The following CCSER2 variants were observed in gnomAD, a reference collection of about 807,000 sequenced individuals.
CCSER2 encodes the protein serine-rich coiled-coil domain-containing protein 2.
A neutral mutation model predicts 92.3 loss-of-function variants in CCSER2; 46 were observed. That is an observed-to-expected ratio of 0.50 (90% CI 0.39 to 0.64). The LOEUF is 0.64. CCSER2 is among the 30% of genes least tolerant of loss of function. The pLI is 0.00. For synonymous variants in CCSER2, 433 were observed against 431.4 expected, an observed-to-expected ratio of 1.00 and a Z score of -0.04; for missense variants, 1,244 against 1,238.9, an observed-to-expected ratio of 1.00 and a Z score of -0.06.
intron 3 of CCSER2, among the ~76,000 whole-genome samples, chr10:84,394,817 T>C (rs1056538919): frequency 2.6e-5 from 4 of 152,158 alleles, no homozygotes; most frequent in Non-Finnish European, 5.9e-5. Context: ...CAGAGTACTT[T>C]TTTTCTGAAC....
In CCSER2 at chr10:84,349,892, G is replaced by A. The variant is rs996532359; in HGVS notation, c.-40+21084G>A. Among the ~76,000 whole-genome samples the A allele has an allele frequency of 5.3e-5, 8 of 152,090 alleles. No individual in the cohort carries two copies. The South Asian group carries it at 1.2e-3, about 24-fold the overall frequency. ...AGATCGGCCAGGTGCAGTGGCTCAC[G>A]CCTGTAATCCCAGCACTTTGTGAGG... On this transcript the variant is annotated intron_variant, in intron 1 of 9. Transcript: ENST00000372088.
chr10:84,468,038 C>A (rs1039457168), intron 7 of CCSER2, among the ~76,000 whole-genome samples: 1 of 152,178 alleles, frequency 6.6e-6, no homozygotes, highest in Non-Finnish European at 1.5e-5. Context: ...TAAGGCCATG[C>A]GTGATAGTCA....
rs76133066 is a variant in CCSER2, at chr10:84,450,045, G to A, written c.2064+11338G>A. 8.8e-3 allele frequency among the ~76,000 whole-genome samples: 1,344 copies of A among 152,314 alleles called. 17 individuals are homozygous for A. Among genetic ancestry groups the A allele is most frequent in the African/African-American group, 0.031 (1,273 of 41,566 alleles). ...AATAATAGCAACAACATGTTTCATA[G>A]TAACATGAAAGTCAAGGGTTTTTAA... On this transcript the variant is annotated intron_variant, in intron 6 of 9. Transcript: ENST00000372088.
At chr10:84,429,018 CACTT>C (rs1843611663) in intron 5 of CCSER2, among the ~76,000 whole-genome samples, 1 of 126,820 alleles carries the variant, frequency 7.9e-6, no homozygotes, top group African/African-American at 3.3e-5. Context: ...TATATATACA[CACTT>C]AAGAAATACT....
chr10:84,329,063 C>T (rs1843412461), intron 1 of CCSER2, among the ~76,000 whole-genome samples: 1 of 151,992 alleles, frequency 6.6e-6, no homozygotes, highest in South Asian at 2.1e-4. Context: ...CCTCGGGCCG[C>T]GGGCGCCGCC....
At position 84,425,733 on chromosome 10, in the gene CCSER2, G is replaced by C. The variant is rs770707093; in HGVS notation, c.1708G>C (p.Glu570Gln). 3.7e-6 allele frequency: 6 copies of C among 1,608,226 alleles called. No homozygotes were observed. Among genetic ancestry groups the C allele is most frequent in the Non-Finnish European group, 4.2e-6 (5 of 1,176,602 alleles). The change falls in exon 5 of 10, where the codon GAG becomes CAG. Residue 570 changes from glutamate to glutamine, a missense_variant and splice_region_variant. Transcript: ENST00000372088. ...LPEDAPLENV[E>Q]CDNMNRFDRP... ...CTTTTGCTTTTGAATCTGTCTAGTG[G>C]AGTGTGACAATATGAACCGCTTTGA...
intron 1 of CCSER2, among the ~76,000 whole-genome samples, chr10:84,338,105 A>AC (rs1843942046): frequency 6.6e-6 from 1 of 151,948 alleles, no homozygotes; most frequent in Non-Finnish European, 1.5e-5. Flanking sequence ...ACATGGTGAA[A>AC]CCCCATCTCT....
At position 84,402,863 on chromosome 10, in the gene CCSER2, A is replaced by G. The variant is rs137981421; in HGVS notation, c.1615-14908A>G. Among the ~76,000 whole-genome samples, 2 of 152,228 alleles carry G rather than the reference A, an allele frequency of 1.3e-5. 1 individual carries two copies. Among genetic ancestry groups the G allele is most frequent in the African/African-American group, 4.8e-5 (2 of 41,462 alleles). On this transcript the variant is annotated intron_variant, in intron 3 of 9. Transcript: ENST00000372088. ...ACATTCTCTACGTGGAAGACTCAAC[A>G]TATTTAAGATGTCACTTCTTCCTAA...
intron 9 of CCSER2, among the ~76,000 whole-genome samples, chr10:84,489,652 C>G (rs896745578): frequency 6.6e-6 from 1 of 152,142 alleles, no homozygotes; most frequent in Non-Finnish European, 1.5e-5. Flanking sequence ...TGAGATCGGT[C>G]TCCTGAATAT....
chr10:84,335,042 G>C (rs1322148249), intron 1 of CCSER2, among the ~76,000 whole-genome samples: 1 of 152,056 alleles, frequency 6.6e-6, no homozygotes, highest in Non-Finnish European at 1.5e-5. Flanking sequence ...CTCCTACCCT[G>C]TATCTTGAGT....
chr10:84,440,938 T>C (rs1844495624), intron 6 of CCSER2, among the ~76,000 whole-genome samples: 1 of 152,196 alleles, frequency 6.6e-6, no homozygotes, highest in African/African-American at 2.4e-5. Flanking sequence ...GTTTTGCCTG[T>C]TTTTATCTCT....
At chr10:84,411,746 A>T (rs1177030417) in intron 3 of CCSER2, among the ~76,000 whole-genome samples, 2 of 152,190 alleles carry the variant, frequency 1.3e-5, no homozygotes. Flanking sequence ...GAATTATCTC[A>T]TCTGCAAACA....
chr10:84,370,262 G>A lies in CCSER2; in HGVS notation c.-39-752G>A, dbSNP rs138025642. ...TGATATGGATTCCTCTAATGCATGA[G>A]TGTGGGATGTATTTCCATTCGTTTG... On this transcript the variant is annotated intron_variant, in intron 1 of 9. Transcript: ENST00000372088. Among the ~76,000 whole-genome samples, 7 of 152,254 alleles carry A rather than the reference G, an allele frequency of 4.6e-5. No homozygotes were observed. The South Asian group carries it at 1.5e-3, about 32-fold the overall frequency.
At chr10:84,384,377 A>G (rs1462965074) in intron 3 of CCSER2, among the ~76,000 whole-genome samples, 1 of 152,230 alleles carries the variant, frequency 6.6e-6, no homozygotes, top group Non-Finnish European at 1.5e-5. Flanking sequence ...AAAGTCTTCA[A>G]CAGAATACTG....
intron 1 of CCSER2, among the ~76,000 whole-genome samples, chr10:84,342,519 A>AG (rs374800100): frequency 9.8e-4 from 149 of 152,270 alleles, no homozygotes; most frequent in African/African-American, 3.3e-3. Context: ...TGTCTTAAAA[A>AG]GGGGGAAAAA....
Position 84,436,325 on chromosome 10 carries a change from CAAAAAAAAA to C in CCSER2, c.1869-2167_1869-2159del, listed in dbSNP as rs1160681619. Among the ~76,000 whole-genome samples, 64 of 14,336 alleles carry C rather than the reference CAAAAAAAAA, an allele frequency of 4.5e-3. No individual in the cohort carries two copies. In the South Asian group the frequency reaches 0.076, roughly 17 times the overall value. 9.4% of individuals were successfully genotyped at this position (14,336 alleles called of 152,430 possible). On this transcript the variant is annotated intron_variant, in intron 5 of 9. Transcript: ENST00000372088. ...TGGGCGACAGAGCGAGACTCCGTCT[CAAAAAAAAA>C]AAAAAAAAAAAAAAAAAAATGCCGG... is the stretch of plus-strand genomic sequence containing the variant.
At chr10:84,473,731 A>G (rs1475264790) in intron 8 of CCSER2, among the ~76,000 whole-genome samples, 1 of 152,162 alleles carries the variant, frequency 6.6e-6, no homozygotes, top group African/African-American at 2.4e-5. Flanking sequence ...TTAATATAGG[A>G]AAAAAATCAG....
chr10:84,348,794 GT>G (rs1844697243), intron 1 of CCSER2, among the ~76,000 whole-genome samples: 1 of 151,964 alleles, frequency 6.6e-6, no homozygotes. Flanking sequence ...ACCAAGATTA[GT>G]ACAAAAAATA....
At chr10:84,463,575 C>T (rs1200339545) in intron 6 of CCSER2, among the ~76,000 whole-genome samples, 6 of 152,134 alleles carry the variant, frequency 3.9e-5, no homozygotes, top group African/African-American at 1.4e-4. Context: ...ATGTCTAAAC[C>T]AAAGCAGATT....
Sources: gnomAD v4.1 joint callset for allele counts (sites outside exome capture counted in the v4.1 genomes callset) on GRCh38, gnomAD v4.1.1 for gene constraint, MANE v1.5 for transcripts, NCBI Gene and HGNC (gene_info 2026-07-23, HGNC 2026-07-21) for gene names.